Variants in NBAS observed in about 807,000 individuals in gnomAD.
NBAS encodes the protein NAG/BC035112 fusion.
Under a neutral mutation model 302.5 loss-of-function variants are expected in NBAS, and 219 were observed. The observed-to-expected ratio is 0.72, with a 90% CI of 0.65 to 0.81. The LOEUF (loss-of-function observed/expected upper bound fraction) is 0.81. Ranked by LOEUF, NBAS falls within the 30% of genes least tolerant of loss-of-function variation. The pLI, the probability that NBAS is intolerant of heterozygous loss-of-function variation, is 0.00. For synonymous variants in NBAS, 1,118 were observed against 1,021.6 expected (o/e 1.09, Z -1.80); for missense variants, 2,932 against 2,841.6 (o/e 1.03, Z -0.72).
intron 16 of NBAS, among the ~76,000 whole-genome samples, chr2:15,471,107 T>C (rs978723261): frequency 2.6e-5 from 4 of 152,176 alleles, no homozygotes; most frequent in Admixed American, 1.3e-4. Context: ...CCCAAAAAAG[T>C]ACTTGCTTTG....
At chr2:15,468,280 A>T in intron 17 of NBAS, 102 bp downstream of exon 17, 1 of 1,392,366 alleles carries the variant, frequency 7.2e-7, no homozygotes, top group Admixed American at 1.7e-5. Flanking sequence ...GCTTCAGTAC[A>T]GAATAACTTA....
intron 21 of NBAS, among the ~76,000 whole-genome samples, chr2:15,446,521 C>T (rs1028670233): frequency 2.0e-5 from 3 of 152,060 alleles, no homozygotes; most frequent in Non-Finnish European, 2.9e-5. Context: ...TCAACATCAG[C>T]ACTGCAAGGC....
intron 44 of NBAS, among the ~76,000 whole-genome samples, chr2:15,266,271 A>G (rs1212562953): frequency 6.6e-6 from 1 of 152,234 alleles, no homozygotes; most frequent in East Asian, 1.9e-4. Flanking sequence ...TAGCAGCATG[A>G]GAACTGATGA....
At position 15,230,393 on chromosome 2, in the gene NBAS, CAAAAAAAAAAAA is replaced by C. The variant is rs35319491; in HGVS notation, c.6236+2017_6236+2028del. On this transcript the variant is annotated intron_variant, in intron 47 of 51. Coordinates refer to ENST00000281513, the MANE Select transcript of NBAS (RefSeq NM_015909.4). Reference sequence around the variant, plus strand: ...GTTTTTCTTCTTTTTATTTTTTAGGCAAAAAAAAAAAAAAAAAAAAAGTTCTCTGAAGTTTCT... The same window carrying C: ...GTTTTTCTTCTTTTTATTTTTTAGGCAAAAAAAAAGTTCTCTGAAGTTTCT... Among the ~76,000 whole-genome samples, 152 of 90,512 alleles carry C rather than the reference CAAAAAAAAAAAA, an allele frequency of 1.7e-3. 2 individuals are homozygous for C. Among genetic ancestry groups the C allele is most frequent in the African/African-American group, 5.5e-3 (144 of 26,126 alleles). 59.4% of individuals were successfully genotyped at this position (90,512 alleles called of 152,430 possible).
chr2:14,810,641 GTTGTACTA>G, the NBAS span, among the ~76,000 whole-genome samples: 3 of 152,172 alleles, frequency 2.0e-5, no homozygotes, highest in African/African-American at 7.2e-5. Context: ...GCCTAGGTTA[GTTGTACTA>G]TTAGGGAAAG....
At chr2:15,441,602 C>A (rs1157381296) in intron 21 of NBAS, among the ~76,000 whole-genome samples, 55 of 150,490 alleles carry the variant, frequency 3.7e-4, no homozygotes, top group African/African-American at 1.3e-3. Context: ...CATCAACTAA[C>A]GAGCAAAATA....
intron 9 of NBAS, among the ~76,000 whole-genome samples, chr2:15,523,512 T>C (rs996865506): frequency 6.6e-6 from 1 of 152,198 alleles, no homozygotes; most frequent in African/African-American, 2.4e-5. Context: ...ATGCAAATAC[T>C]ATACCACTTC....
At chr2:15,406,112 AAAACAAAAC>A (rs1676398442) in intron 25 of NBAS, among the ~76,000 whole-genome samples, 1 of 150,320 alleles carries the variant, frequency 6.7e-6, no homozygotes, top group African/African-American at 2.4e-5. Flanking sequence ...GTAAAAAAAA[AAAACAAAAC>A]AAAAAAACAT....
intron 9 of NBAS, among the ~76,000 whole-genome samples, chr2:15,519,230 ACTT>A (rs2148659430): frequency 1.3e-5 from 2 of 152,284 alleles, no homozygotes; most frequent in South Asian, 4.1e-4. Context: ...TTAGTAAACT[ACTT>A]CTAACTTTTT....
At chr2:15,418,204 T>A (rs552469866) in intron 23 of NBAS, among the ~76,000 whole-genome samples, 1 of 152,338 alleles carries the variant, frequency 6.6e-6, no homozygotes, top group South Asian at 2.1e-4. Context: ...ATTCAATAAA[T>A]ATTTGCTGAA....
chr2:15,183,566 G>A lies in NBAS; in HGVS notation c.6711+3176C>T, dbSNP rs573039160. ...CTCAGCTCATTCTCCTTAGAGAATA[G>A]ACAGAACTAGCATTTTCTCATCCAG... On this transcript the variant is annotated intron_variant, in intron 50 of 51. Coordinates refer to ENST00000281513, the MANE Select transcript of NBAS (RefSeq NM_015909.4). Among the ~76,000 whole-genome samples, 20 of 152,322 alleles carry A rather than the reference G, an allele frequency of 1.3e-4. No homozygotes were observed. The South Asian group carries it at 3.9e-3, about 30-fold the overall frequency.
chr2:15,474,361 G>A (rs202189555), intron 14 of NBAS, 37 bp from the exon 15 acceptor site: 4 of 1,557,064 alleles, frequency 2.6e-6, no homozygotes, highest in Non-Finnish European at 3.5e-6. Context: ...TAATAGTAAG[G>A]AAATAAGAAT....
intron 51 of NBAS, among the ~76,000 whole-genome samples, chr2:15,168,909 G>A (rs538024575): frequency 1.1e-4 from 17 of 152,210 alleles, no homozygotes; most frequent in Non-Finnish European, 1.9e-4. Flanking sequence ...GATTACAGGC[G>A]TGGCCACCGT....
rs574709059 is a variant in NBAS, at chr2:15,518,055, C to A, written c.747-6705G>T. Among the ~76,000 whole-genome samples, 122 of 144,496 alleles carry A rather than the reference C, an allele frequency of 8.4e-4. 1 individual carries two copies. The highest frequency in any genetic ancestry group is 1.3e-3 in the Non-Finnish European group (88 of 66,378). The allele number at this position is 144,496 out of a possible 152,430, so 94.8% of individuals were successfully genotyped here. ...TCCTTCTCTCTCCCTTTTTTTTAAA[C>A]TTAAAAAGAAGAACATCAAGATACA... On this transcript the variant is annotated intron_variant, in intron 9 of 51. Transcript: ENST00000281513.
At chr2:14,951,252 AAG>A in the NBAS span, among the ~76,000 whole-genome samples, 1 of 152,208 alleles carries the variant, frequency 6.6e-6, no homozygotes, top group African/African-American at 2.4e-5. Flanking sequence ...CCAAATGAGG[AAG>A]AGAGTGATCC....
the NBAS span, among the ~76,000 whole-genome samples, chr2:15,131,848 G>A: frequency 1.3e-5 from 2 of 152,162 alleles, no homozygotes; most frequent in African/African-American, 4.8e-5. Context: ...TGAAGCAGAA[G>A]CAGGCACATC....
chr2:15,166,496 T>C (rs1227518216), downstream of NBAS, among the ~76,000 whole-genome samples: 1 of 152,208 alleles, frequency 6.6e-6, no homozygotes, highest in Non-Finnish European at 1.5e-5. Context: ...CGGCTGTGTA[T>C]CTGATAGAGC....
At chr2:15,444,639 C>A (rs572727060) in intron 21 of NBAS, among the ~76,000 whole-genome samples, 6 of 152,022 alleles carry the variant, frequency 3.9e-5, no homozygotes, top group African/African-American at 1.2e-4. Flanking sequence ...GCAACAAAAG[C>A]CAAAATTGAC....
intron 44 of NBAS, among the ~76,000 whole-genome samples, chr2:15,254,538 T>G (rs1268647703): frequency 1.3e-5 from 2 of 152,208 alleles, no homozygotes; most frequent in Non-Finnish European, 1.5e-5. Context: ...TTCTTTTTTT[T>G]CTTCTAAGTT....
Sources: allele counts gnomAD v4.1 joint callset (sites outside exome capture counted in the v4.1 genomes callset), GRCh38; gene constraint gnomAD v4.1.1; transcripts MANE v1.5; gene names NCBI Gene and HGNC (gene_info 2026-07-23, HGNC 2026-07-21).